ISM2: variants seen among roughly 807,000 people sequenced by gnomAD.
ISM2 encodes the protein isthmin 2.
A neutral mutation model predicts 58.0 loss-of-function variants in ISM2; 50 were observed. That is an observed-to-expected ratio of 0.86 (90% confidence interval 0.69 to 1.09). The LOEUF (loss-of-function observed/expected upper bound fraction) is 1.09, where lower values mean the gene tolerates loss of function less well. Among genes scored for constraint, ISM2 ranks in the 50% least tolerant of loss-of-function variants. The pLI is 0.00. For missense variants in ISM2, 723 were observed against 745.0 expected (o/e 0.97, Z 0.34); for synonymous variants, 303 against 312.4 (o/e 0.97, Z 0.32).
rs2079091783 is a variant in ISM2 at position 77,475,630 on chromosome 14, A to G, written c.1681T>C (p.Tyr561His). 6.2e-7 allele frequency: 1 copy of G among 1,606,798 alleles called. No individual in the cohort carries two copies. The highest frequency in any genetic ancestry group is 8.5e-7 in the Non-Finnish European group (1 of 1,176,182). Residue 561 changes from tyrosine (Y) to histidine (H), a missense_variant, in exon 7 of 7, where the codon TAC (tyrosine) becomes CAC (histidine). By Grantham distance (83) the Tyr-to-His change is moderately conservative. Transcript: ENST00000342219. This position sits in a 1 kb window ranked among gnomAD's most constrained non-coding sequence, Gnocchi z 4.1. ...TTGGCCTCCTGCAACTGTGCTAGGT[A>G]CTCCTCCTCCAGGGGGTTGTCGGTG... is the stretch of plus-strand genomic sequence containing the variant. Reference protein sequence around the residue: ...ACTDNPLEEEYLAQLQEAKEY With the variant: ...ACTDNPLEEEHLAQLQEAKEY
intron 1 of ISM2, among the ~76,000 whole-genome samples, chr14:77,485,963 G>A (rs2079165116): frequency 6.6e-6 from 1 of 152,330 alleles, no homozygotes; most frequent in Admixed American, 6.5e-5. Context: ...AGGACTGTGA[G>A]AATTTTATTT....
At chr14:77,494,275 G>C (rs560168900) in intron 1 of ISM2, among the ~76,000 whole-genome samples, 1 of 152,202 alleles carries the variant, frequency 6.6e-6, no homozygotes, top group Non-Finnish European at 1.5e-5. Flanking sequence ...TATGGACTCT[G>C]TAAGGCCCAG....
chr14:77,498,703 T>C lies in ISM2; in HGVS notation c.91A>G (p.Lys31Glu). 2.0e-6 allele frequency: 3 copies of C among 1,484,030 alleles called. No individual in the cohort carries two copies. The highest frequency in any genetic ancestry group is 2.7e-6 in the Non-Finnish European group (3 of 1,125,354). The allele number at this position is 1,484,030 out of a possible 1,614,324, so 91.9% of individuals were successfully genotyped here. The stretch of plus-strand genomic sequence containing the variant: ...GGCCGTGGTCCGCGGAGCCGCGGCT[T>C]CTTCACGGGGAGCCCTAGCGCCGCC... ...LEAALGLPVK[K>E]PRLRGPRPGS... The change falls in exon 1 of 7, where the codon AAG (lysine) becomes GAG (glutamate). Residue 31 changes from lysine (K) to glutamate (E), a missense_variant. Lys to Glu is a moderately conservative substitution (Grantham distance 56). Coordinates refer to ENST00000342219, the MANE Select transcript of ISM2 (RefSeq NM_199296.3).
intron 6 of ISM2, among the ~76,000 whole-genome samples, chr14:77,477,369 C>A (rs2079104917): frequency 6.6e-6 from 1 of 152,136 alleles, no homozygotes; most frequent in African/African-American, 2.4e-5. Context: ...TAGTTTGAGG[C>A]TCTGCACATC....
At chr14:77,494,664 T>G (rs762818468) in intron 1 of ISM2, among the ~76,000 whole-genome samples, 2 of 152,146 alleles carry the variant, frequency 1.3e-5, no homozygotes, top group Non-Finnish European at 2.9e-5. Flanking sequence ...CCCAAAGTGC[T>G]GAGATTACAG....
In ISM2 at chr14:77,475,345, C is replaced by T. The variant is rs2079089595; in HGVS notation, c.*250G>A. On this transcript the variant is annotated 3_prime_UTR_variant, in exon 7 of 7. Transcript: ENST00000342219. The surrounding 1 kb of genome is among the most constrained non-coding windows in gnomAD (Gnocchi z 4.1). Reference sequence around the variant, plus strand: ...AGAGGGAGGCCCCGGCAGACACATGCACATATGCACATTTCCAGGGCTCCC... The same window carrying T: ...AGAGGGAGGCCCCGGCAGACACATGTACATATGCACATTTCCAGGGCTCCC... The T allele has an allele frequency of 1.1e-5, 4 of 368,736 alleles. No individual in the cohort carries two copies. Among genetic ancestry groups the T allele is most frequent in the Admixed American group, 4.5e-5 (1 of 22,206 alleles). 22.8% of individuals were successfully genotyped at this position (368,736 alleles called of 1,614,324 possible).
intron 1 of ISM2, among the ~76,000 whole-genome samples, chr14:77,494,938 C>T (rs977326764): frequency 6.6e-6 from 1 of 152,040 alleles, no homozygotes; most frequent in African/African-American, 2.4e-5. Context: ...GGTTGGAGTG[C>T]AGTGGCGCGA....
intron 1 of ISM2, among the ~76,000 whole-genome samples, chr14:77,489,264 C>T (rs544478581): frequency 6.6e-6 from 1 of 152,306 alleles, no homozygotes; most frequent in Non-Finnish European, 1.5e-5. Context: ...TCACCAAGTG[C>T]AGGTCCCGCA....
At chr14:77,489,220 G>A (rs1352740223) in intron 1 of ISM2, among the ~76,000 whole-genome samples, 2 of 152,106 alleles carry the variant, frequency 1.3e-5, no homozygotes, top group Non-Finnish European at 1.5e-5. Context: ...TGTGCCTCAG[G>A]GGTCAGAAAC....
At chr14:77,488,385 G>A (rs1594952363) in intron 1 of ISM2, among the ~76,000 whole-genome samples, 1 of 152,198 alleles carries the variant, frequency 6.6e-6, no homozygotes, top group East Asian at 1.9e-4. Flanking sequence ...CTCAACACCT[G>A]CGCACTGGTG....
chr14:77,496,509 C>G (rs1250681764), intron 1 of ISM2, among the ~76,000 whole-genome samples: 1 of 151,286 alleles, frequency 6.6e-6, no homozygotes, highest in African/African-American at 2.4e-5. Context: ...AATAGCCGGG[C>G]GTGGCGGCTC....
chr14:77,478,463 T>G lies in ISM2; in HGVS notation c.1114+112A>C. ...CCTGGGACAAGGCAGGACCACCATG[T>G]TTTTGAGCTTCCTGCATCCCATCTC... On this transcript the variant is annotated intron_variant, in intron 5 of 6. Coordinates refer to ENST00000342219, the MANE Select transcript of ISM2 (RefSeq NM_199296.3). 2.0e-6 allele frequency: 3 copies of G among 1,463,644 alleles called. No individual in the cohort carries two copies. The South Asian group carries it at 3.7e-5, about 18-fold the overall frequency. The allele number at this position is 1,463,644 out of a possible 1,614,324, so 90.7% of individuals were successfully genotyped here.
chr14:77,481,108 G>C (rs2079129439), intron 4 of ISM2, among the ~76,000 whole-genome samples: 1 of 152,022 alleles, frequency 6.6e-6, no homozygotes, highest in African/African-American at 2.4e-5. Flanking sequence ...GGGAGGCCAA[G>C]GCAGGCAGAT....
chr14:77,482,175 T>G (rs963814045), intron 4 of ISM2, 147 bp downstream of exon 4: 1 of 560,158 alleles, frequency 1.8e-6, no homozygotes, highest in Non-Finnish European at 3.1e-6. Flanking sequence ...ATGTTACTTT[T>G]GAGTTGATGA....
In ISM2 at chr14:77,484,513, A is replaced by C. The variant is rs140927914; in HGVS notation, c.437T>G (p.Leu146Arg). The C allele has an allele frequency of 1.3e-6, 2 of 1,597,498 alleles. No homozygotes were observed. The highest frequency in any genetic ancestry group is 1.7e-6 in the Non-Finnish European group (2 of 1,171,806). The change falls in exon 3 of 7, where the codon CTG (leucine) becomes CGG (arginine). Residue 146 changes from leucine (L) to arginine (R), a missense_variant. Physicochemically the swap from Leu to Arg is moderately radical, Grantham distance 102 (BLOSUM62 -2). Transcript: ENST00000342219. The stretch of plus-strand genomic sequence containing the variant: ...TGCCTGCAGGTGGGTTCTGGGGAGC[A>C]GTCGTGCCTCCTCCTCTTCCCTCAG... Reference protein sequence around the residue: ...RPLREEEEARLLPRTHLQAEL... With the variant: ...RPLREEEEARRLPRTHLQAEL...
intron 1 of ISM2, among the ~76,000 whole-genome samples, chr14:77,495,720 A>G (rs1367158016): frequency 6.6e-6 from 1 of 152,154 alleles, no homozygotes; most frequent in Non-Finnish European, 1.5e-5. Context: ...GAAGCATAAG[A>G]CAACAGCCCC....
intron 1 of ISM2, among the ~76,000 whole-genome samples, chr14:77,496,465 G>A (rs2079241339): frequency 6.6e-6 from 1 of 150,776 alleles, no homozygotes; most frequent in African/African-American, 2.4e-5. Flanking sequence ...TCCAGTCTGG[G>A]CAACAAGAGC....
intron 1 of ISM2, among the ~76,000 whole-genome samples, chr14:77,489,818 C>T (rs1266806413): frequency 1.3e-5 from 2 of 152,214 alleles, no homozygotes; most frequent in East Asian, 3.8e-4. Context: ...TAGTTTAACG[C>T]TCTGCTGTTG....
At chr14:77,493,288 G>A (rs1017522315) in intron 1 of ISM2, among the ~76,000 whole-genome samples, 1 of 151,912 alleles carries the variant, frequency 6.6e-6, no homozygotes, top group Admixed American at 6.6e-5. Flanking sequence ...GAGCCACCAT[G>A]CCTGGCCCAC....
Sources: gnomAD v4.1 joint callset for allele counts (sites outside exome capture counted in the v4.1 genomes callset) on GRCh38, gnomAD v4.1.1 for gene constraint, Gnocchi (gnomAD v3.1) non-coding constraint, MANE v1.5 for transcripts, NCBI Gene and HGNC (gene_info 2026-07-23, HGNC 2026-07-21) for gene names.